The following CORIN variants were observed in gnomAD, a reference collection of about 807,000 sequenced individuals.
The protein encoded by CORIN is atrial natriuretic peptide-converting enzyme.
CORIN carries 117 observed loss-of-function variants against 125.3 expected under a neutral mutation model. That is an observed-to-expected ratio of 0.93 (90% CI 0.80 to 1.09). The LOEUF (loss-of-function observed/expected upper bound fraction) is 1.09, where lower values mean the gene tolerates loss of function less well. Among genes scored for constraint, CORIN ranks in the 50% least tolerant of loss-of-function variants. The probability of loss-of-function intolerance (pLI) is 0.00; values close to 1 mark genes in which losing one functional copy is unlikely to be tolerated. For missense variants in CORIN, 1,253 were observed against 1,306.7 expected, an observed-to-expected ratio of 0.96 and a Z score of 0.63; for synonymous variants, 450 against 466.4, an observed-to-expected ratio of 0.96 and a Z score of 0.45.
At chr4:47,808,883 C>T (rs1731924385) in intron 1 of CORIN, among the ~76,000 whole-genome samples, 1 of 152,194 alleles carries the variant, frequency 6.6e-6, no homozygotes, top group Non-Finnish European at 1.5e-5. Context: ...ACGACAATGA[C>T]TTCAAACCAC....
At chr4:47,807,117 G>A (rs1472149120) in intron 1 of CORIN, 70 bp from the exon 2 acceptor site, 10 of 1,294,586 alleles carry the variant, frequency 7.7e-6, no homozygotes, top group African/African-American at 1.5e-5. Flanking sequence ...TTAGGTTACA[G>A]CTATCCATTT....
At position 47,665,146 on chromosome 4, in the gene CORIN, G is replaced by A. The variant is rs1183185639; in HGVS notation, c.1475C>T (p.Ser492Phe). ...QKEASISWES[S>F]LFPALVQTNC... ...GGTTTGAACAAGTGCAGGGAAAAGA[G>A]AAGACTCCCAGCTGATGGATGCTTC... Residue 492 changes from serine to phenylalanine, a missense_variant, in exon 11 of 22, where the codon TCT becomes TTT. Coordinates refer to ENST00000273857, the MANE Select transcript of CORIN (RefSeq NM_006587.4). 6.2e-7 allele frequency: 1 copy of A among 1,613,888 alleles called. No homozygotes were observed. The highest frequency in any genetic ancestry group is 1.1e-5 in the South Asian group (1 of 91,078).
chr4:47,676,503 C>T (rs1208866807), intron 9 of CORIN, among the ~76,000 whole-genome samples: 1 of 152,190 alleles, frequency 6.6e-6, no homozygotes, highest in Non-Finnish European at 1.5e-5. Flanking sequence ...CCTTCTTAGC[C>T]TCTGTTGCTG....
At chr4:47,822,508 G>A (rs1300474462) in intron 1 of CORIN, among the ~76,000 whole-genome samples, 1 of 152,070 alleles carries the variant, frequency 6.6e-6, no homozygotes, top group Non-Finnish European at 1.5e-5. Flanking sequence ...TGGTTTTCAC[G>A]TCTCTTTAGT....
Position 47,641,992 on chromosome 4 carries a change from G to GT in CORIN, c.2125dup (p.Thr709AsnfsTer59). On this transcript the variant is annotated frameshift_variant, in exon 16 of 22. Coordinates refer to ENST00000273857, the MANE Select transcript of CORIN (RefSeq NM_006587.4). LOFTEE classifies it high-confidence loss of function. Reference sequence around the variant, plus strand: ...GCCATCTGCACACACATGGTGTTCTGTGGCAGCTCTGTGAACCATCAGAAA... The same window carrying GT: ...GCCATCTGCACACACATGGTGTTCTGTTGGCAGCTCTGTGAACCATCAGAAA... 6.2e-7 allele frequency: 1 copy of GT among 1,613,600 alleles called. No homozygotes were observed. Among genetic ancestry groups the GT allele is most frequent in the Non-Finnish European group, 8.5e-7 (1 of 1,179,650 alleles).
At chr4:47,640,715 A>G (rs1457917824) in intron 16 of CORIN, among the ~76,000 whole-genome samples, 2 of 152,252 alleles carry the variant, frequency 1.3e-5, no homozygotes, top group African/African-American at 4.8e-5. Flanking sequence ...GCATATTTAA[A>G]AACAGGAACC....
At chr4:47,773,908 G>GT (rs1031929720) in intron 3 of CORIN, among the ~76,000 whole-genome samples, 1 of 151,304 alleles carries the variant, frequency 6.6e-6, no homozygotes, top group Non-Finnish European at 1.5e-5. Context: ...AAGATAAAAG[G>GT]TATATTTATT....
intron 3 of CORIN, among the ~76,000 whole-genome samples, chr4:47,777,084 A>C (rs1192164576): frequency 6.6e-6 from 1 of 152,196 alleles, no homozygotes; most frequent in Non-Finnish European, 1.5e-5. Flanking sequence ...TTCATGTTGC[A>C]AGGCAGTTAG....
chr4:47,802,167 G>A (rs556388725), intron 2 of CORIN, among the ~76,000 whole-genome samples: 77 of 152,328 alleles, frequency 5.1e-4, no homozygotes, highest in African/African-American at 1.7e-3. Context: ...GGCTTCAGAT[G>A]TGACCTCGCA....
chr4:47,790,242 G>A lies in CORIN; in HGVS notation c.209-3317C>T, dbSNP rs1001945607. 9 of 982,324 alleles carry A rather than the reference G, an allele frequency of 9.2e-6. No homozygotes were observed. The South Asian group carries it at 4.2e-4, about 46-fold the overall frequency. 60.9% of individuals were successfully genotyped at this position (982,324 alleles called of 1,614,324 possible). ...ATACCTCTTCATGGGGCTGGCTGTG[G>A]TGAGACAGCCAAGTAAAAATGGCTC... On this transcript the variant is annotated intron_variant, in intron 2 of 21. Coordinates refer to ENST00000273857, the MANE Select transcript of CORIN (RefSeq NM_006587.4).
At chr4:47,735,399 C>T (rs1297149422) in intron 5 of CORIN, among the ~76,000 whole-genome samples, 8 of 152,108 alleles carry the variant, frequency 5.3e-5, no homozygotes, top group Non-Finnish European at 1.2e-4. Flanking sequence ...AAAAATATTA[C>T]AACCAAGAAT....
chr4:47,617,824 C>T (rs2109540442), intron 19 of CORIN, among the ~76,000 whole-genome samples: 1 of 152,232 alleles, frequency 6.6e-6, no homozygotes, highest in Non-Finnish European at 1.5e-5. Flanking sequence ...CTTCTCACTT[C>T]CTTTTCTCAG....
At chr4:47,779,840 G>A (rs958786400) in intron 3 of CORIN, among the ~76,000 whole-genome samples, 6 of 152,298 alleles carry the variant, frequency 3.9e-5, no homozygotes, top group South Asian at 2.1e-4. Context: ...GAATTGGTGC[G>A]TAAGCTTTCT....
chr4:47,837,784 G>C (rs1237049003), intron 1 of CORIN, 103 bp downstream of exon 1: 1 of 1,017,464 alleles, frequency 9.8e-7, no homozygotes, highest in African/African-American at 1.6e-5. Flanking sequence ...AGGTGGCATC[G>C]GGCGGAGGAG....
intron 1 of CORIN, among the ~76,000 whole-genome samples, chr4:47,810,854 C>T (rs1732032303): frequency 1.3e-5 from 2 of 152,150 alleles, no homozygotes; most frequent in South Asian, 2.1e-4. Context: ...ATGCAACTGA[C>T]CACTTGACAT....
intron 16 of CORIN, among the ~76,000 whole-genome samples, chr4:47,641,407 T>C (rs1560484853): frequency 1.3e-5 from 2 of 152,202 alleles, no homozygotes; most frequent in Admixed American, 1.3e-4. Context: ...TTTCAAAGGA[T>C]CCATTTCAGT....
intron 1 of CORIN, among the ~76,000 whole-genome samples, chr4:47,832,065 T>C (rs1342970535): frequency 6.6e-6 from 1 of 152,226 alleles, no homozygotes; most frequent in Non-Finnish European, 1.5e-5. Context: ...AGTGCTTTCA[T>C]TCTTGTAAAA....
intron 5 of CORIN, among the ~76,000 whole-genome samples, chr4:47,718,793 A>T (rs887806015): frequency 2.0e-5 from 3 of 152,210 alleles, no homozygotes; most frequent in African/African-American, 7.2e-5. Context: ...AAGGAAAAGT[A>T]CTAAAGCAGA....
intron 2 of CORIN, among the ~76,000 whole-genome samples, chr4:47,788,115 C>T (rs998591568): frequency 3.3e-5 from 5 of 151,992 alleles, no homozygotes; most frequent in Non-Finnish European, 5.9e-5. Context: ...GAGCATGCCA[C>T]GAAAATAAAT....
Sources: allele counts gnomAD v4.1 joint callset (sites outside exome capture counted in the v4.1 genomes callset), GRCh38; gene constraint gnomAD v4.1.1; transcripts MANE v1.5; gene names NCBI Gene and HGNC (gene_info 2026-07-23, HGNC 2026-07-21).